Variants in ROCK1 observed in about 807,000 individuals in gnomAD.
The protein encoded by ROCK1 is Rho associated coiled-coil containing protein kinase 1, also known as rho-associated protein kinase 1.
Under a neutral mutation model 196.8 loss-of-function variants are expected in ROCK1, and 36 were observed. The observed-to-expected ratio is 0.18, with a 90% CI of 0.14 to 0.24. The LOEUF (loss-of-function observed/expected upper bound fraction) is 0.24. ROCK1 is among the 10% of genes least tolerant of loss of function. The pLI is 1.00. For missense variants in ROCK1, 920 were observed against 1,562.0 expected, an observed-to-expected ratio of 0.59 and a Z score of 6.93; for synonymous variants, 443 against 515.9, an observed-to-expected ratio of 0.86 and a Z score of 1.91.
intron 8 of ROCK1, among the ~76,000 whole-genome samples, chr18:21,040,216 T>C (rs2036093496): frequency 6.6e-6 from 1 of 152,244 alleles, no homozygotes; most frequent in Admixed American, 6.5e-5. Context: ...TATTTTTTTC[T>C]TACAATGGTA....
intron 12 of ROCK1, among the ~76,000 whole-genome samples, chr18:21,016,178 T>C (rs1190832489): frequency 2.0e-5 from 3 of 152,234 alleles, no homozygotes; most frequent in South Asian, 2.1e-4. Context: ...CTATAATTTC[T>C]ATTGGTAATA....
chr18:21,087,089 A>G (rs990888504), intron 1 of ROCK1, among the ~76,000 whole-genome samples: 2 of 152,228 alleles, frequency 1.3e-5, no homozygotes, highest in Admixed American at 6.5e-5. Flanking sequence ...CAATTGAACT[A>G]GTAAAATATC....
chr18:20,993,343 C>T (rs1238855780), intron 16 of ROCK1, among the ~76,000 whole-genome samples: 2 of 152,208 alleles, frequency 1.3e-5, no homozygotes, highest in African/African-American at 4.8e-5. Flanking sequence ...GCTGGGACTA[C>T]AGGCGCCTGC....
chr18:21,077,349 G>C (rs1433484944), intron 1 of ROCK1, among the ~76,000 whole-genome samples: 1 of 152,156 alleles, frequency 6.6e-6, no homozygotes, highest in African/African-American at 2.4e-5. Context: ...GAACCCAAGA[G>C]GGTAGAATAA....
At chr18:21,106,647 A>G (rs2036705752) in intron 1 of ROCK1, among the ~76,000 whole-genome samples, 2 of 152,238 alleles carry the variant, frequency 1.3e-5, no homozygotes, top group African/African-American at 4.8e-5. Flanking sequence ...AATCCTTATA[A>G]ACTGTAACAT....
intron 2 of ROCK1, among the ~76,000 whole-genome samples, chr18:21,070,096 C>G (rs1490577542): frequency 6.6e-6 from 1 of 151,938 alleles, no homozygotes; most frequent in East Asian, 1.9e-4. Context: ...ACTTTATGAT[C>G]TAAATCTTAT....
At chr18:21,045,680 A>G (rs1230259978) in intron 4 of ROCK1, among the ~76,000 whole-genome samples, 1 of 152,200 alleles carries the variant, frequency 6.6e-6, no homozygotes, top group East Asian at 1.9e-4. Flanking sequence ...GAAGAGTTAC[A>G]TGGAGATATC....
intron 19 of ROCK1, among the ~76,000 whole-genome samples, chr18:20,984,971 A>C (rs576899925): frequency 6.6e-6 from 1 of 151,920 alleles, no homozygotes; most frequent in African/African-American, 2.4e-5. Context: ...AAAATTGGCC[A>C]GGCATGGTGG....
chr18:20,994,755 T>C (rs2035656142), intron 16 of ROCK1, among the ~76,000 whole-genome samples: 1 of 152,186 alleles, frequency 6.6e-6, no homozygotes, highest in African/African-American at 2.4e-5. Context: ...AAGTATAGTT[T>C]ATTTTCCTCA....
chr18:21,098,118 C>T (rs752040640), intron 1 of ROCK1, among the ~76,000 whole-genome samples: 4 of 152,144 alleles, frequency 2.6e-5, no homozygotes, highest in Admixed American at 6.5e-5. Flanking sequence ...TTCAATGTGA[C>T]GGTGTATGTG....
At chr18:21,035,954 G>A (rs980052921) in intron 9 of ROCK1, among the ~76,000 whole-genome samples, 6 of 152,176 alleles carry the variant, frequency 3.9e-5, no homozygotes, top group African/African-American at 7.2e-5. Flanking sequence ...TTAGGATGAC[G>A]AAAAAGTTCT....
intron 13 of ROCK1, 146 bp downstream of exon 13, chr18:21,015,285 G>A: frequency 1.5e-6 from 1 of 669,182 alleles, no homozygotes; most frequent in Non-Finnish European, 2.7e-6. Context: ...TGAAACTGCA[G>A]TTCCAAGGTG....
intron 9 of ROCK1, among the ~76,000 whole-genome samples, chr18:21,029,499 A>G (rs1468520829): frequency 2.0e-5 from 3 of 152,164 alleles, no homozygotes; most frequent in African/African-American, 7.2e-5. Flanking sequence ...CCACAGGAGC[A>G]ATGGATTTGG....
intron 16 of ROCK1, among the ~76,000 whole-genome samples, chr18:20,997,940 G>C (rs1399652160): frequency 6.6e-6 from 1 of 151,608 alleles, no homozygotes; most frequent in Non-Finnish European, 1.5e-5. Flanking sequence ...GGGTTCAAGC[G>C]ATTCTCCTGC....
intron 1 of ROCK1, among the ~76,000 whole-genome samples, chr18:21,088,953 C>G (rs939556346): frequency 3.3e-5 from 5 of 152,210 alleles, no homozygotes; most frequent in Admixed American, 1.3e-4. Flanking sequence ...TTATAAATTA[C>G]CCAGTCTTGG....
Position 20,950,275 on chromosome 18 carries a change from C to T in ROCK1, c.*1109G>A, listed in dbSNP as rs2143308865. ...CAGTTTTATAAAGTCATTATTGTAG[C>T]AGGTAGTTTGATGCAAAGATTGTAC... On this transcript the variant is annotated 3_prime_UTR_variant, in exon 33 of 33. Coordinates refer to ENST00000399799, the MANE Select transcript of ROCK1 (RefSeq NM_005406.3). The T allele has an allele frequency of 6.6e-6, 1 of 152,404 alleles. No homozygotes were observed. The highest frequency in any genetic ancestry group is 2.4e-5 in the African/African-American group (1 of 41,564). 9.4% of individuals were successfully genotyped at this position (152,404 alleles called of 1,614,324 possible). A position where few individuals can be genotyped will look rare whatever the true frequency, so the allele number is the denominator to read the frequency against.
At position 21,057,678 on chromosome 18, in the gene ROCK1, C is replaced by T. The variant is rs146916173; in HGVS notation, c.176-7798G>A. 3.5e-4 allele frequency among the ~76,000 whole-genome samples: 53 copies of T among 152,050 alleles called. No individual in the cohort carries two copies. The East Asian group carries it at 6.6e-3, about 19-fold the overall frequency. ...CTCTACTAAAAACACAAAAATTAGCCGGCACGGTGGTGGGCGCCTGTAATC... is the reference window on the plus strand; with the variant it reads ...CTCTACTAAAAACACAAAAATTAGCTGGCACGGTGGTGGGCGCCTGTAATC... On this transcript the variant is annotated intron_variant, in intron 2 of 32. Transcript: ENST00000399799.
chr18:21,109,041 C>T (rs538083094), intron 1 of ROCK1, among the ~76,000 whole-genome samples: 1 of 152,320 alleles, frequency 6.6e-6, no homozygotes, highest in African/African-American at 2.4e-5. Context: ...GTACCCTCTA[C>T]CTAAATCCTA....
At chr18:20,965,463 T>TATAC (rs1323793171) in intron 27 of ROCK1, among the ~76,000 whole-genome samples, 13 of 151,958 alleles carry the variant, frequency 8.6e-5, no homozygotes, top group South Asian at 2.1e-4. Flanking sequence ...AGTAAGAATG[T>TATAC]ATACATACAT....
Sources: allele counts gnomAD v4.1 joint callset (sites outside exome capture counted in the v4.1 genomes callset), GRCh38; gene constraint gnomAD v4.1.1; transcripts MANE v1.5; gene names NCBI Gene and HGNC (gene_info 2026-07-23, HGNC 2026-07-21).